The following SAMMSON variants were observed in gnomAD, a reference collection of about 807,000 sequenced individuals.
SAMMSON encodes long intergenic non-protein coding RNA 1212.
intron 4 of SAMMSON, among the ~76,000 whole-genome samples, chr3:70,246,149 A>C (rs1187461894): frequency 6.6e-6 from 1 of 152,052 alleles, no homozygotes; most frequent in African/African-American, 2.4e-5. Context: ...GAACCGTAGC[A>C]ACTATTTAAA....
chr3:70,407,516 C>T (rs62255191), intron 2 of SAMMSON, among the ~76,000 whole-genome samples: 1 of 152,172 alleles, frequency 6.6e-6, no homozygotes, highest in African/African-American at 2.4e-5. Flanking sequence ...AGGGCCCATA[C>T]AAGTCCAAAA....
At chr3:70,165,443 A>G (rs74768096) in intron 4 of SAMMSON, among the ~76,000 whole-genome samples, 2 of 152,086 alleles carry the variant, frequency 1.3e-5, no homozygotes, top group East Asian at 3.9e-4. Flanking sequence ...CTTCCACAAT[A>G]CAAAGACACA....
chr3:70,054,133 G>A (rs1262176978), intron 3 of SAMMSON, among the ~76,000 whole-genome samples: 1 of 152,118 alleles, frequency 6.6e-6, no homozygotes, highest in Non-Finnish European at 1.5e-5. Flanking sequence ...ATAGATATAG[G>A]TGAGTGTAAG....
chr3:70,108,792 A>G (rs1462941065), intron 4 of SAMMSON, among the ~76,000 whole-genome samples: 1 of 152,048 alleles, frequency 6.6e-6, no homozygotes, highest in Non-Finnish European at 1.5e-5. Flanking sequence ...CTCCAGAATG[A>G]AACCAACCTT....
intron 4 of SAMMSON, among the ~76,000 whole-genome samples, chr3:70,213,437 T>C (rs958235827): frequency 6.6e-6 from 1 of 152,152 alleles, no homozygotes; most frequent in Non-Finnish European, 1.5e-5. Flanking sequence ...TTCAAACGTA[T>C]AGACCATTTT....
At chr3:70,316,332 TTA>T (rs1702494387) in intron 7 of SAMMSON, among the ~76,000 whole-genome samples, 1 of 152,072 alleles carries the variant, frequency 6.6e-6, no homozygotes, top group Non-Finnish European at 1.5e-5. Flanking sequence ...AACAATAAAA[TTA>T]TATATATAAT....
chr3:70,016,948 A>C (rs1217978766), intron 3 of SAMMSON, among the ~76,000 whole-genome samples: 3 of 152,018 alleles, frequency 2.0e-5, no homozygotes, highest in East Asian at 1.9e-4. Context: ...TGGTCTATAT[A>C]TCTGTTTTGG....
chr3:70,026,592 A>G (rs1392353748), intron 3 of SAMMSON, among the ~76,000 whole-genome samples: 1 of 152,182 alleles, frequency 6.6e-6, no homozygotes, highest in East Asian at 1.9e-4. Flanking sequence ...CTCTGTCCAC[A>G]ACATCCTGTG....
intron 4 of SAMMSON, among the ~76,000 whole-genome samples, chr3:70,078,652 C>T (rs2067257265): frequency 6.6e-6 from 1 of 152,088 alleles, no homozygotes; most frequent in Non-Finnish European, 1.5e-5. Context: ...CTGCCCAAGT[C>T]CTTTACTTTT....
At chr3:70,053,333 G>T (rs999791380) in intron 3 of SAMMSON, among the ~76,000 whole-genome samples, 5 of 152,148 alleles carry the variant, frequency 3.3e-5, no homozygotes, top group African/African-American at 4.8e-5. Context: ...TTACATGTAG[G>T]CATGGCTCTG....
intron 4 of SAMMSON, among the ~76,000 whole-genome samples, chr3:70,221,692 A>G (rs1221856541): frequency 1.3e-5 from 2 of 152,180 alleles, no homozygotes; most frequent in Non-Finnish European, 2.9e-5. Flanking sequence ...CAAGGTTCAA[A>G]TGGAAGGGGA....
intron 4 of SAMMSON, among the ~76,000 whole-genome samples, chr3:70,080,537 C>T (rs1201254419): frequency 6.6e-6 from 1 of 152,132 alleles, no homozygotes; most frequent in Non-Finnish European, 1.5e-5. Flanking sequence ...ACTCTTCTCC[C>T]TACCTTCAGT....
At chr3:70,184,884 A>C (rs1165506101) in intron 4 of SAMMSON, among the ~76,000 whole-genome samples, 3 of 152,166 alleles carry the variant, frequency 2.0e-5, no homozygotes, top group Non-Finnish European at 2.9e-5. Flanking sequence ...TGTTCTTAGC[A>C]TGCTGGACCA....
intron 9 of SAMMSON, among the ~76,000 whole-genome samples, chr3:70,374,697 T>C (rs559238382): frequency 6.6e-6 from 1 of 152,252 alleles, no homozygotes; most frequent in Non-Finnish European, 1.5e-5. Flanking sequence ...CTCCCTTCTC[T>C]AATACCACTA....
chr3:70,004,733 A>C (rs1310568732), intron 1 of SAMMSON, among the ~76,000 whole-genome samples: 1 of 152,246 alleles, frequency 6.6e-6, no homozygotes, highest in Non-Finnish European at 1.5e-5. Context: ...TTTTAAAAAC[A>C]AATACTAACA....
intron 3 of SAMMSON, among the ~76,000 whole-genome samples, chr3:70,065,911 CAA>C (rs1184060397): frequency 3.3e-5 from 5 of 152,124 alleles, no homozygotes; most frequent in Non-Finnish European, 7.4e-5. Context: ...GCAGCATTAT[CAA>C]AGAGAGTCCA....
rs1553664170 is a variant in SAMMSON, at chr3:70,418,999, CTCTT to C, written n.234-43546_234-43543del. Among the ~76,000 whole-genome samples, 506 of 119,260 alleles carry C rather than the reference CTCTT, an allele frequency of 4.2e-3. 8 individuals are homozygous for C. Among genetic ancestry groups the C allele is most frequent in the Middle Eastern group, 8.3e-3 (2 of 242 alleles). The allele number at this position is 119,260 out of a possible 152,430, so 78.2% of individuals were successfully genotyped here. On this transcript the variant is annotated intron_variant and non_coding_transcript_variant, in intron 2 of 3. Coordinates refer to the SAMMSON transcript ENST00000641053. Reference sequence around the variant, plus strand: ...CTTCCTTCTCTCTCTCTCTCTCTCTCTCTTTCTTTCTTTCTTTCCTTCTTTCTTT... The same window carrying C: ...CTTCCTTCTCTCTCTCTCTCTCTCTCTCTTTCTTTCTTTCCTTCTTTCTTT...
chr3:70,370,587 T>C (rs1702959978), intron 9 of SAMMSON, among the ~76,000 whole-genome samples: 1 of 152,160 alleles, frequency 6.6e-6, no homozygotes, highest in Non-Finnish European at 1.5e-5. Flanking sequence ...CATATATCTG[T>C]TGGCCATTTG....
intron 4 of SAMMSON, among the ~76,000 whole-genome samples, chr3:70,174,963 A>T (rs1249456713): frequency 6.6e-6 from 1 of 152,100 alleles, no homozygotes; most frequent in Non-Finnish European, 1.5e-5. Context: ...AATGTTTTCA[A>T]ATTGAAATGC....
Sources: gnomAD v4.1 joint callset for allele counts (sites outside exome capture counted in the v4.1 genomes callset) on GRCh38, gnomAD v4.1.1 for gene constraint, MANE v1.5 for transcripts, NCBI Gene and HGNC (gene_info 2026-07-23, HGNC 2026-07-21) for gene names.